KAZN: variants seen among roughly 807,000 people sequenced by gnomAD.
The protein encoded by KAZN is kazrin, periplakin interacting protein.
KAZN carries 40 observed loss-of-function variants against 87.4 expected under a neutral mutation model. The ratio of observed to expected loss-of-function variants is 0.46; its 90% CI spans 0.36 to 0.60. The LOEUF is 0.60. Among genes scored for constraint, KAZN ranks in the 20% least tolerant of loss-of-function variants. The pLI, the probability that KAZN is intolerant of heterozygous loss-of-function variation, is 0.00. For missense variants in KAZN, 898 were observed against 1,073.9 expected (o/e 0.84, Z 2.29); for synonymous variants, 466 against 458.3 (o/e 1.02, Z -0.22).
At chr1:14,335,417 G>A (rs941172642) in intron 2 of KAZN, among the ~76,000 whole-genome samples, 31 of 152,084 alleles carry the variant, frequency 2.0e-4, no homozygotes, top group African/African-American at 4.8e-4. Context: ...TGGTCAAGCC[G>A]GTCTCAAACT....
At chr1:14,056,595 T>C (rs1642570411) in intron 1 of KAZN, among the ~76,000 whole-genome samples, 3 of 152,226 alleles carry the variant, frequency 2.0e-5, no homozygotes, top group African/African-American at 7.2e-5. Context: ...TGTGGTACTT[T>C]TGTTACAGCA....
At chr1:14,556,280 T>G (rs1457234024) in intron 2 of KAZN, among the ~76,000 whole-genome samples, 1 of 151,954 alleles carries the variant, frequency 6.6e-6, no homozygotes, top group East Asian at 1.9e-4. Flanking sequence ...CGGCTAATTT[T>G]TTGTGTTTTT....
At chr1:13,985,450 G>T (rs1049534388) in intron 1 of KAZN, among the ~76,000 whole-genome samples, 2 of 148,518 alleles carry the variant, frequency 1.3e-5, no homozygotes, top group African/African-American at 2.5e-5. Flanking sequence ...GTAAACTATC[G>T]CAAGAACAAA....
intron 1 of KAZN, among the ~76,000 whole-genome samples, chr1:14,823,725 A>G (rs1305703197): frequency 6.6e-6 from 1 of 152,176 alleles, no homozygotes; most frequent in African/African-American, 2.4e-5. Flanking sequence ...CCAGAAGGGG[A>G]GGTCCGCTCA....
At chr1:14,074,485 A>ACCTGGGG (rs1643368951) in intron 1 of KAZN, among the ~76,000 whole-genome samples, 1 of 152,218 alleles carries the variant, frequency 6.6e-6, no homozygotes, top group Non-Finnish European at 1.5e-5. Flanking sequence ...GACCTGGGGA[A>ACCTGGGG]AAGCCTGTCG....
intron 2 of KAZN, among the ~76,000 whole-genome samples, chr1:14,194,263 T>G (rs1646481278): frequency 6.6e-6 from 1 of 152,158 alleles, no homozygotes; most frequent in South Asian, 2.1e-4. Flanking sequence ...CAGCTGTAGC[T>G]TGTGGACAGA....
chr1:14,704,711 T>C (rs1369687297), intron 1 of KAZN, among the ~76,000 whole-genome samples: 1 of 152,172 alleles, frequency 6.6e-6, no homozygotes, highest in African/African-American at 2.4e-5. Context: ...TCTACCCTTG[T>C]GTTCTGCTCC....
intron 2 of KAZN, among the ~76,000 whole-genome samples, chr1:14,453,936 T>C (rs2148336266): frequency 6.6e-6 from 1 of 152,308 alleles, no homozygotes; most frequent in South Asian, 2.1e-4. Context: ...GCATCTTCTA[T>C]TACCATATTC....
intron 1 of KAZN, among the ~76,000 whole-genome samples, chr1:14,036,284 C>G (rs1052391153): frequency 6.6e-6 from 1 of 152,094 alleles, no homozygotes; most frequent in Non-Finnish European, 1.5e-5. Context: ...ATGGGTAAGA[C>G]CTTTATTGGG....
chr1:13,956,353 G>T (rs1480838484), intron 1 of KAZN, among the ~76,000 whole-genome samples: 1 of 142,604 alleles, frequency 7.0e-6, no homozygotes, highest in Non-Finnish European at 1.5e-5. Flanking sequence ...AGCTTGGCCA[G>T]TTCCAGCCCC....
chr1:15,002,601 G>A (rs1355636527), intron 2 of KAZN, among the ~76,000 whole-genome samples: 13 of 152,182 alleles, frequency 8.5e-5, no homozygotes, highest in Non-Finnish European at 1.6e-4. Context: ...CAGCGTCATC[G>A]CCATCATCAT....
rs547855230 is a variant in KAZN, at chr1:14,023,335, A to G, written c.91+129579A>G. ...AGACCTTGTCTCCAAAATAAAAAAC[A>G]AAAACAAAACAAGAAACAATACTTT... On this transcript the variant is annotated intron_variant, in intron 1 of 16. Coordinates refer to the KAZN transcript ENST00000636203. Among the ~76,000 whole-genome samples, 3 of 152,304 alleles carry G rather than the reference A, an allele frequency of 2.0e-5. No homozygotes were observed. The South Asian group carries it at 6.2e-4, about 32-fold the overall frequency.
Position 13,925,723 on chromosome 1 carries a change from A to G in KAZN, c.91+31967A>G, listed in dbSNP as rs763481457. Among the ~76,000 whole-genome samples the G allele has an allele frequency of 1.2e-4, 19 of 152,220 alleles. 1 individual carries two copies. The highest frequency in any genetic ancestry group is 7.9e-4 in the Admixed American group (12 of 15,278). ...GCAGAAGTACCTTGACTGACATACAAGTTCAAGGAGCTCTCTGGCCAGCGG... is the reference window on the plus strand; with the variant it reads ...GCAGAAGTACCTTGACTGACATACAGGTTCAAGGAGCTCTCTGGCCAGCGG... On this transcript the variant is annotated intron_variant, in intron 1 of 16. Transcript: ENST00000636203.
intron 2 of KAZN, among the ~76,000 whole-genome samples, chr1:15,011,205 C>T (rs1669540200): frequency 1.3e-5 from 2 of 152,232 alleles, no homozygotes; most frequent in Admixed American, 6.5e-5. Flanking sequence ...AGGCTGGGAC[C>T]TACCCTGCTT....
intron 2 of KAZN, among the ~76,000 whole-genome samples, chr1:14,339,783 C>T (rs1189459133): frequency 6.6e-6 from 1 of 152,172 alleles, no homozygotes; most frequent in African/African-American, 2.4e-5. Context: ...AACGTTTGAC[C>T]AGATATCTGG....
intron 2 of KAZN, among the ~76,000 whole-genome samples, chr1:14,585,703 G>A (rs147488729): frequency 6.6e-6 from 1 of 152,292 alleles, no homozygotes; most frequent in Non-Finnish European, 1.5e-5. Context: ...ACTATGAATG[G>A]GAAGGAGTGA....
At position 14,177,022 on chromosome 1, in the gene KAZN, GT is replaced by G. The variant is rs760487748; in HGVS notation, c.92-3412del. On this transcript the variant is annotated intron_variant, in intron 1 of 16. Transcript: ENST00000636203. ...AAAGTACAAAAATTAGCTGGGTGTG[GT>G]GGTGCGTGCCTGTAGTCCCAGCTAC... Among the ~76,000 whole-genome samples, 104 of 152,250 alleles carry G rather than the reference GT, an allele frequency of 6.8e-4. 1 individual carries two copies. Among genetic ancestry groups the G allele is most frequent in the Admixed American group, 1.2e-3 (18 of 15,288 alleles).
chr1:14,573,705 C>T (rs952074589), intron 2 of KAZN, among the ~76,000 whole-genome samples: 1 of 151,950 alleles, frequency 6.6e-6, no homozygotes, highest in South Asian at 2.1e-4. Flanking sequence ...GAGTCCAGGT[C>T]AGAACTTTAA....
At position 14,308,959 on chromosome 1, in the gene KAZN, GA is replaced by G. The variant is rs1400249745; in HGVS notation, c.249+128369del. Among the ~76,000 whole-genome samples the G allele has an allele frequency of 4.9e-4, 75 of 152,314 alleles. 1 individual carries two copies. Among genetic ancestry groups the G allele is most frequent in the African/African-American group, 1.7e-3 (72 of 41,570 alleles). ...AATACATGCAGTCCTCAAAGGGCAC[GA>G]ATGTGTTTAACAAGAATTAATGAAA... On this transcript the variant is annotated intron_variant, in intron 2 of 16. Transcript: ENST00000636203.
Sources: gnomAD v4.1 joint callset for allele counts (sites outside exome capture counted in the v4.1 genomes callset) on GRCh38, gnomAD v4.1.1 for gene constraint, MANE v1.5 for transcripts, NCBI Gene and HGNC (gene_info 2026-07-23, HGNC 2026-07-21) for gene names.